Variants in TTC8 observed in about 807,000 individuals in gnomAD.
TTC8 encodes tetratricopeptide repeat domain 8, also known as tetratricopeptide repeat protein 8.
In TTC8, 47 loss-of-function variants were observed where a neutral mutation model predicts 72.5. The ratio of observed to expected loss-of-function variants is 0.65; its 90% confidence interval spans 0.51 to 0.83. The LOEUF (loss-of-function observed/expected upper bound fraction) is 0.83. Among genes scored for constraint, TTC8 ranks in the 40% least tolerant of loss-of-function variants. The pLI is 0.00. For missense variants in TTC8, 611 were observed against 623.2 expected (o/e 0.98, Z 0.21); for synonymous variants, 199 against 221.4 (o/e 0.90, Z 0.90).
At chr14:88,850,766 A>G (rs1038239477) in intron 7 of TTC8, among the ~76,000 whole-genome samples, 2 of 152,218 alleles carry the variant, frequency 1.3e-5, no homozygotes, top group Admixed American at 6.5e-5. Context: ...CTGTCAAAAT[A>G]TTTAAAGAGG....
At chr14:88,859,238 T>C (rs1455224755) in intron 9 of TTC8, among the ~76,000 whole-genome samples, 1 of 152,126 alleles carries the variant, frequency 6.6e-6, no homozygotes, top group Non-Finnish European at 1.5e-5. Flanking sequence ...GCAGCACTAT[T>C]CACAATAGCA....
At chr14:88,867,109 C>T (rs1294797803) in intron 10 of TTC8, among the ~76,000 whole-genome samples, 1 of 152,056 alleles carries the variant, frequency 6.6e-6, no homozygotes, top group Non-Finnish European at 1.5e-5. Context: ...CATGTATGAA[C>T]ATTTGGAAGT....
chr14:88,863,030 C>T (rs927062921), intron 10 of TTC8, among the ~76,000 whole-genome samples: 1 of 147,156 alleles, frequency 6.8e-6, no homozygotes, highest in African/African-American at 2.5e-5. Context: ...CATAAAAATC[C>T]CTGGAAGCAT....
downstream of TTC8, chr14:88,879,545 A>G (rs1047186167): frequency 3.3e-5 from 5 of 151,684 alleles, no homozygotes; most frequent in African/African-American, 1.2e-4. Context: ...CATAGTGATA[A>G]CTCTTCCATT....
chr14:88,870,146 G>A lies in TTC8; in HGVS notation c.997G>A (p.Gly333Arg), dbSNP rs748281945. ...NTHVEAIACIGSNHFYSDQPE... is the reference protein window; with the variant it reads ...NTHVEAIACIRSNHFYSDQPE... The stretch of plus-strand genomic sequence containing the variant: ...TCATGTGGAAGCCATCGCATGCATT[G>A]GAAGCAACCACTTCTATTCTGATCA... The change falls in exon 11 of 15, where the codon GGA becomes AGA. Residue 333 changes from glycine (G) to arginine (R), a missense_variant. Physicochemically the swap from Gly to Arg is moderately radical, Grantham distance 125 (BLOSUM62 -2). Coordinates refer to ENST00000380656, the MANE Select transcript of TTC8 (RefSeq NM_144596.4). The A allele has an allele frequency of 5.6e-6, 9 of 1,614,082 alleles. No individual in the cohort carries two copies. Among genetic ancestry groups the A allele is most frequent in the South Asian group, 2.2e-5 (2 of 91,078 alleles).
At chr14:88,855,131 T>C (rs2094850275) in intron 8 of TTC8, among the ~76,000 whole-genome samples, 1 of 152,212 alleles carries the variant, frequency 6.6e-6, no homozygotes, top group South Asian at 2.1e-4. Context: ...GCTGTTGAAA[T>C]CTTGCCTGTT....
At chr14:88,872,738 A>G (rs1342872306) in intron 13 of TTC8, among the ~76,000 whole-genome samples, 2 of 152,132 alleles carry the variant, frequency 1.3e-5, no homozygotes, top group Admixed American at 1.3e-4. Flanking sequence ...CCTGTCTACT[A>G]CATAACTGCT....
At chr14:88,857,143 GTTTATT>G (rs1427579419) in intron 8 of TTC8, 41 bp from the exon 9 acceptor site, 7 of 1,537,650 alleles carry the variant, frequency 4.6e-6, no homozygotes, top group Non-Finnish European at 6.3e-6. Context: ...ATGATGTAGT[GTTTATT>G]TTTAAGTTGA....
chr14:88,869,938 C>A, intron 10 of TTC8, 121 bp from the exon 11 acceptor site: 2 of 999,852 alleles, frequency 2.0e-6, no homozygotes, highest in Non-Finnish European at 3.0e-6. Flanking sequence ...AGAATGGAGT[C>A]TGGCACATGG....
intron 6 of TTC8, among the ~76,000 whole-genome samples, chr14:88,841,987 A>G (rs1425828950): frequency 5.3e-5 from 8 of 152,204 alleles, no homozygotes; most frequent in Admixed American, 4.6e-4. Context: ...TGGCATGCCA[A>G]CCACATTAGT....
chr14:88,861,780 T>G (rs573927852), intron 10 of TTC8, among the ~76,000 whole-genome samples: 113 of 152,270 alleles, frequency 7.4e-4, no homozygotes, highest in African/African-American at 2.6e-3. Flanking sequence ...CATAATGACT[T>G]CCATTTCCAT....
At chr14:88,859,463 G>A (rs1271269085) in intron 9 of TTC8, among the ~76,000 whole-genome samples, 4 of 152,096 alleles carry the variant, frequency 2.6e-5, no homozygotes, top group Admixed American at 1.3e-4. Flanking sequence ...GGAGCTAACT[G>A]ATGAGAACAC....
intron 7 of TTC8, among the ~76,000 whole-genome samples, chr14:88,848,779 A>G (rs2094820202): frequency 2.0e-5 from 3 of 152,324 alleles, no homozygotes; most frequent in South Asian, 4.1e-4. Context: ...CTTAAACATT[A>G]AAGTGGTAGT....
intron 3 of TTC8, 118 bp downstream of exon 3, chr14:88,839,690 C>A: frequency 8.3e-7 from 1 of 1,197,742 alleles, no homozygotes; most frequent in Non-Finnish European, 1.2e-6. Context: ...ACATTATAGA[C>A]ATGAAACAAA....
At chr14:88,865,298 G>A (rs2094905038) in intron 10 of TTC8, among the ~76,000 whole-genome samples, 1 of 152,186 alleles carries the variant, frequency 6.6e-6, no homozygotes, top group Non-Finnish European at 1.5e-5. Context: ...GTCCTGGAAG[G>A]TGGGACTCAG....
At chr14:88,850,045 A>G (rs2094826481) in intron 7 of TTC8, among the ~76,000 whole-genome samples, 1 of 152,190 alleles carries the variant, frequency 6.6e-6, no homozygotes, top group Non-Finnish European at 1.5e-5. Flanking sequence ...CTGCTTTAAA[A>G]AAATGGCATT....
At chr14:88,876,842 A>G (rs2094959388) in intron 14 of TTC8, among the ~76,000 whole-genome samples, 1 of 152,212 alleles carries the variant, frequency 6.6e-6, no homozygotes, top group African/African-American at 2.4e-5. Context: ...TCTAAAAGGT[A>G]ACAACTCTAA....
chr14:88,846,878 C>T (rs921362464), intron 7 of TTC8: 10 of 358,566 alleles, frequency 2.8e-5, no homozygotes, highest in Admixed American at 9.7e-5. Flanking sequence ...GAAATCTTAT[C>T]GAGACCCTAA....
chr14:88,856,314 T>G (rs1351529695), intron 8 of TTC8, among the ~76,000 whole-genome samples: 2 of 152,168 alleles, frequency 1.3e-5, no homozygotes, highest in Non-Finnish European at 2.9e-5. Flanking sequence ...ATGCTTAAGG[T>G]TTAAGGTTAT....
Sources: gnomAD v4.1 joint callset for allele counts (sites outside exome capture counted in the v4.1 genomes callset) on GRCh38, gnomAD v4.1.1 for gene constraint, MANE v1.5 for transcripts, NCBI Gene and HGNC (gene_info 2026-07-23, HGNC 2026-07-21) for gene names.